TEX11: variants seen among roughly 807,000 people sequenced by gnomAD.
TEX11 encodes the protein testis expressed 11, also known as testis-expressed protein 11.
In TEX11, 7 loss-of-function variants were observed where a neutral mutation model predicts 84.4. That is an observed-to-expected ratio of 0.08 (90% CI 0.05 to 0.16). TEX11 has a LOEUF of 0.16. Ranked by LOEUF, TEX11 falls within the 10% of genes least tolerant of loss-of-function variation. TEX11 has a pLI of 1.00. For synonymous variants in TEX11, 264 were observed against 222.8 expected (o/e 1.18, Z -1.64); for missense variants, 551 against 660.5 (o/e 0.83, Z 1.82).
intron 9 of TEX11, among the ~76,000 whole-genome samples, chrX:70,749,548 G>A (rs2090796849): frequency 9.5e-6 from 1 of 105,532 alleles, no homozygotes; most frequent in South Asian, 4.5e-4. Flanking sequence ...GTATGATATT[G>A]GCTGTGGGTT....
chrX:70,565,690 G>A, intron 25 of TEX11, among the ~76,000 whole-genome samples: 1 of 109,758 alleles, frequency 9.1e-6, no homozygotes, highest in East Asian at 2.9e-4. Flanking sequence ...TTTTTCTCAG[G>A]TTTGTCAAAG....
chrX:70,731,848 C>A (rs1476412081), intron 11 of TEX11, among the ~76,000 whole-genome samples: 6 of 110,548 alleles, frequency 5.4e-5, no homozygotes, highest in Non-Finnish European at 9.5e-5. Flanking sequence ...GAGACACAAC[C>A]AAAAAAGAGA....
At chrX:70,740,836 G>A in intron 10 of TEX11, 40 bp from the exon 11 acceptor site, 3 of 937,338 alleles carry the variant, frequency 3.2e-6, no homozygotes, top group Non-Finnish European at 4.4e-6. Context: ...CATATCTGAT[G>A]GTTAAACTTC....
At chrX:70,861,990 A>AT (rs1413219583) in intron 4 of TEX11, among the ~76,000 whole-genome samples, 4 of 109,316 alleles carry the variant, frequency 3.7e-5, no homozygotes, top group East Asian at 2.9e-4. Context: ...AAATATATAT[A>AT]TATTTTTTTC....
At chrX:70,565,397 CT>C (rs1445857796) in intron 25 of TEX11, among the ~76,000 whole-genome samples, 1 of 107,597 alleles carries the variant, frequency 9.3e-6, no homozygotes, top group African/African-American at 3.4e-5. Context: ...TGCAGAAGCT[CT>C]TTAGTTTAAT....
intron 16 of TEX11, among the ~76,000 whole-genome samples, chrX:70,657,642 A>G (rs1181898608): frequency 9.1e-6 from 1 of 110,171 alleles, no homozygotes; most frequent in Non-Finnish European, 1.9e-5. Flanking sequence ...TTATTTTGGC[A>G]CTATTCACAA....
chrX:70,542,619 A>T (rs953427326), intron 28 of TEX11, among the ~76,000 whole-genome samples: 2 of 111,938 alleles, frequency 1.8e-5, no homozygotes, highest in Admixed American at 1.9e-4. Flanking sequence ...GAGAGAGTGG[A>T]CGTAAGAGTA....
rs974774179 is a variant in TEX11 at position 70,655,419 on chromosome X, A to G, written c.1381-3867T>C. ...ACTAAATGTATATTGCCTTTACATC[A>G]TTATAAAATCAAAATACCATTAAGT... is the stretch of plus-strand genomic sequence containing the variant. On this transcript the variant is annotated intron_variant, in intron 16 of 29. Coordinates refer to ENST00000374333, the MANE Select transcript of TEX11 (RefSeq NM_031276.3). Among the ~76,000 whole-genome samples, 3 of 111,729 alleles carry G rather than the reference A, an allele frequency of 2.7e-5. No homozygotes were observed. The East Asian group carries it at 8.4e-4, about 31-fold the overall frequency.
At chrX:70,666,859 A>G (rs2089980113) in intron 16 of TEX11, among the ~76,000 whole-genome samples, 2 of 111,277 alleles carry the variant, frequency 1.8e-5, no homozygotes, top group African/African-American at 6.5e-5. Context: ...TCTCTACTTA[A>G]AAACAATCTT....
At chrX:70,814,410 C>A (rs902480341) in intron 8 of TEX11, among the ~76,000 whole-genome samples, 1 of 112,217 alleles carries the variant, frequency 8.9e-6, no homozygotes, top group South Asian at 3.7e-4. Context: ...AGTGATTAGG[C>A]TCTCCCAGAT....
chrX:70,572,890 T>C (rs1209968061), intron 25 of TEX11, among the ~76,000 whole-genome samples: 2 of 104,243 alleles, frequency 1.9e-5, no homozygotes, highest in Non-Finnish European at 3.9e-5. Flanking sequence ...TTAGGAGATA[T>C]ACCTAATGTT....
chrX:70,686,444 C>T (rs906500587), intron 13 of TEX11, among the ~76,000 whole-genome samples: 5 of 111,297 alleles, frequency 4.5e-5, no homozygotes, highest in African/African-American at 1.6e-4. Flanking sequence ...GAACAGAAAA[C>T]CAAACACCAC....
At chrX:70,842,892 G>A (rs1465735363) in intron 7 of TEX11, among the ~76,000 whole-genome samples, 1 of 111,366 alleles carries the variant, frequency 9.0e-6, no homozygotes, top group African/African-American at 3.3e-5. Flanking sequence ...GCTTCAAAGA[G>A]AATAAAATAC....
intron 4 of TEX11, among the ~76,000 whole-genome samples, chrX:70,863,987 G>A (rs940574770): frequency 1.8e-5 from 2 of 111,497 alleles, no homozygotes; most frequent in Admixed American, 9.6e-5. Context: ...ATTGAAGACC[G>A]TTGAAGACCA....
At chrX:70,520,938 C>G in the TEX11 span, among the ~76,000 whole-genome samples, 2 of 112,280 alleles carry the variant, frequency 1.8e-5, no homozygotes, top group Non-Finnish European at 1.9e-5. Context: ...TGGGACCTGC[C>G]GAGCCAGGCA....
intron 9 of TEX11, among the ~76,000 whole-genome samples, chrX:70,748,891 C>T (rs768838632): frequency 4.9e-5 from 5 of 102,385 alleles, no homozygotes; most frequent in African/African-American, 1.8e-4. Context: ...TTAGGATTGA[C>T]TTGGCAATGC....
intron 2 of TEX11, among the ~76,000 whole-genome samples, chrX:70,890,804 A>T (rs2085223940): frequency 2.7e-5 from 3 of 112,282 alleles, no homozygotes; most frequent in Admixed American, 9.4e-5. Context: ...GGCAGCAGAA[A>T]CTTCTGCACA....
At chrX:70,683,603 C>A (rs1414234952) in intron 13 of TEX11, among the ~76,000 whole-genome samples, 1 of 111,294 alleles carries the variant, frequency 9.0e-6, no homozygotes, top group Non-Finnish European at 1.9e-5. Context: ...GCCTGGGCGA[C>A]AGACTGAGGC....
At chrX:70,879,773 TAATA>T (rs1386603900) in intron 3 of TEX11, among the ~76,000 whole-genome samples, 10 of 111,437 alleles carry the variant, frequency 9.0e-5, no homozygotes, top group South Asian at 3.7e-4. Context: ...ATAACATTGC[TAATA>T]AATAAATAAA....
Sources: gnomAD v4.1 joint callset for allele counts (sites outside exome capture counted in the v4.1 genomes callset) on GRCh38, gnomAD v4.1.1 for gene constraint, MANE v1.5 for transcripts, NCBI Gene and HGNC (gene_info 2026-07-23, HGNC 2026-07-21) for gene names.